Variants in EPHA6 observed in about 807,000 individuals in gnomAD.
EPHA6 encodes the protein EPH receptor A6.
A neutral mutation model predicts 112.0 loss-of-function variants in EPHA6; 50 were observed. That is an observed-to-expected ratio of 0.45 (90% confidence interval 0.36 to 0.56). The LOEUF (loss-of-function observed/expected upper bound fraction) is 0.56, where lower values mean the gene tolerates loss of function less well. Among genes scored for constraint, EPHA6 ranks in the 20% least tolerant of loss-of-function variants. The pLI is 0.00. For synonymous variants in EPHA6, 529 were observed against 490.7 expected, an observed-to-expected ratio of 1.08 and a Z score of -1.03; for missense variants, 1,280 against 1,417.4, an observed-to-expected ratio of 0.90 and a Z score of 1.56.
chr3:96,863,528 A>G (rs1237696262), intron 1 of EPHA6, among the ~76,000 whole-genome samples: 1 of 152,010 alleles, frequency 6.6e-6, no homozygotes, highest in Admixed American at 6.6e-5. Context: ...AAGAATTTTT[A>G]AGAGGTATCA....
At chr3:97,027,491 A>G (rs1420276320) in intron 3 of EPHA6, among the ~76,000 whole-genome samples, 3 of 152,180 alleles carry the variant, frequency 2.0e-5, no homozygotes, top group African/African-American at 4.8e-5. Flanking sequence ...AAGGAAAAAA[A>G]CACCTCCAAG....
At chr3:96,832,584 G>T (rs1196607761) in intron 1 of EPHA6, among the ~76,000 whole-genome samples, 1 of 151,942 alleles carries the variant, frequency 6.6e-6, no homozygotes, top group African/African-American at 2.4e-5. Context: ...TAATATTTTG[G>T]TTATTGCCAT....
chr3:97,757,406 C>G lies in EPHA6; in HGVS notation c.*8705C>G, dbSNP rs1231322105. Among the ~76,000 whole-genome samples, 1 of 151,650 alleles carries G rather than the reference C, an allele frequency of 6.6e-6. No individual in the cohort carries two copies. Among genetic ancestry groups the G allele is most frequent in the Admixed American group, 6.6e-5 (1 of 15,244 alleles). On this transcript the variant is annotated 3_prime_UTR_variant, in exon 18 of 18. Coordinates refer to ENST00000389672, the MANE Select transcript of EPHA6 (RefSeq NM_001080448.3). The stretch of plus-strand genomic sequence containing the variant: ...ATTTTAAAAATGTTTTGTAATGGAA[C>G]AAGTCATCAAAATTCTTAACATTTC...
intron 12 of EPHA6, among the ~76,000 whole-genome samples, chr3:97,604,828 G>T (rs1157563070): frequency 6.6e-6 from 1 of 151,530 alleles, no homozygotes; most frequent in African/African-American, 2.4e-5. Flanking sequence ...TTATTGATTT[G>T]CCATTCTGTT....
chr3:97,090,433 G>C (rs949765657), intron 3 of EPHA6, among the ~76,000 whole-genome samples: 7 of 151,934 alleles, frequency 4.6e-5, no homozygotes, highest in African/African-American at 1.7e-4. Context: ...ATAAAAGGGT[G>C]GTTAGACATT....
At chr3:97,119,630 G>A (rs887149951) in intron 3 of EPHA6, among the ~76,000 whole-genome samples, 1 of 151,952 alleles carries the variant, frequency 6.6e-6, no homozygotes, top group African/African-American at 2.4e-5. Flanking sequence ...AAAGCAGGAG[G>A]ATTCTGAGTG....
At chr3:97,148,695 C>T (rs2076099305) in intron 3 of EPHA6, among the ~76,000 whole-genome samples, 1 of 151,938 alleles carries the variant, frequency 6.6e-6, no homozygotes, top group Non-Finnish European at 1.5e-5. Context: ...AGAACTCTGA[C>T]CTTGAAATCA....
chr3:97,445,587 A>G (rs754710529), intron 6 of EPHA6, among the ~76,000 whole-genome samples: 6 of 152,120 alleles, frequency 3.9e-5, no homozygotes, highest in African/African-American at 9.7e-5. Context: ...ATTTGAAAGA[A>G]TGTGCTGATA....
chr3:97,221,792 G>A (rs2078209394), intron 3 of EPHA6, among the ~76,000 whole-genome samples: 1 of 152,108 alleles, frequency 6.6e-6, no homozygotes, highest in Non-Finnish European at 1.5e-5. Context: ...AGCACTTTGG[G>A]AGGCCGACGC....
intron 6 of EPHA6, among the ~76,000 whole-genome samples, chr3:97,438,144 C>A (rs2089953581): frequency 6.6e-6 from 1 of 152,108 alleles, no homozygotes; most frequent in Non-Finnish European, 1.5e-5. Context: ...AGTTGAACAT[C>A]ATTGTAAATA....
rs374924707 is a variant in EPHA6, at chr3:97,162,728, A to C, written c.1115-63536A>C. Among the ~76,000 whole-genome samples the C allele has an allele frequency of 8.7e-4, 132 of 152,216 alleles. 1 individual carries two copies. Among genetic ancestry groups the C allele is most frequent in the African/African-American group, 2.9e-3 (121 of 41,552 alleles). ...AAGGGTACCCAGCCTCCCCTCATTT[A>C]AGGTGTTCTGGGTCTATTTACTGGC... On this transcript the variant is annotated intron_variant, in intron 3 of 17. Coordinates refer to ENST00000389672, the MANE Select transcript of EPHA6 (RefSeq NM_001080448.3).
In EPHA6 at chr3:96,932,492, A is replaced by G. The variant is rs1445246138; in HGVS notation, c.451-54838A>G. ...GTTTTCTATTATTTAACATATATTCACATTACTTAAACCATACAAATTAGA... is the reference window on the plus strand; with the variant it reads ...GTTTTCTATTATTTAACATATATTCGCATTACTTAAACCATACAAATTAGA... On this transcript the variant is annotated intron_variant, in intron 2 of 17. Transcript: ENST00000389672. Among the ~76,000 whole-genome samples, 5 of 152,346 alleles carry G rather than the reference A, an allele frequency of 3.3e-5. No homozygotes were observed. In the South Asian group the frequency reaches 8.3e-4, roughly 25 times the overall value.
At chr3:96,851,797 C>T (rs139223692) in intron 1 of EPHA6, among the ~76,000 whole-genome samples, 50 of 151,948 alleles carry the variant, frequency 3.3e-4, no homozygotes, top group African/African-American at 8.4e-4. Flanking sequence ...AAATTTAGTA[C>T]GGCCTGGAGT....
Position 97,063,800 on chromosome 3 carries a change from C to T in EPHA6, c.1114+75807C>T, listed in dbSNP as rs77032237. On this transcript the variant is annotated intron_variant, in intron 3 of 17. Coordinates refer to ENST00000389672, the MANE Select transcript of EPHA6 (RefSeq NM_001080448.3). ...CCTTCATCTTCTAGTGTCTCTCCAG[C>T]GTACACTTCTGACAGAGCTTAAAAT... 4.2e-3 allele frequency among the ~76,000 whole-genome samples: 643 copies of T among 152,220 alleles called. 2 individuals are homozygous for T. Among genetic ancestry groups the T allele is most frequent in the Middle Eastern group, 0.017 (5 of 294 alleles).
intron 3 of EPHA6, among the ~76,000 whole-genome samples, chr3:97,211,715 T>C (rs539277007): frequency 6.6e-6 from 1 of 152,058 alleles, no homozygotes; most frequent in Non-Finnish European, 1.5e-5. Context: ...ACATCAAAAT[T>C]TGGGGGGCAT....
chr3:97,750,812 T>G lies in EPHA6; in HGVS notation c.*2111T>G, dbSNP rs2035882825. Among the ~76,000 whole-genome samples the G allele has an allele frequency of 6.6e-6, 1 of 152,130 alleles. No homozygotes were observed. The highest frequency in any genetic ancestry group is 6.6e-5 in the Admixed American group (1 of 15,266). ...AAAGCAAAGCTAGAAGGAAGAGTCT[T>G]TAGATGTTTCTTAAAATATACAAAA... On this transcript the variant is annotated 3_prime_UTR_variant, in exon 18 of 18. Transcript: ENST00000389672.
intron 1 of EPHA6, among the ~76,000 whole-genome samples, chr3:96,826,819 T>C (rs2033691645): frequency 6.6e-6 from 1 of 152,136 alleles, no homozygotes; most frequent in Non-Finnish European, 1.5e-5. Flanking sequence ...TGAGATTTGC[T>C]TCTGAAGACT....
intron 5 of EPHA6, among the ~76,000 whole-genome samples, chr3:97,301,685 C>T (rs1576886502): frequency 6.6e-6 from 1 of 152,056 alleles, no homozygotes; most frequent in African/African-American, 2.4e-5. Context: ...ACATATTTCT[C>T]CTTGCTACTC....
intron 3 of EPHA6, among the ~76,000 whole-genome samples, chr3:97,168,607 CTG>C (rs1175089459): frequency 2.4e-5 from 3 of 125,454 alleles, no homozygotes; most frequent in African/African-American, 4.5e-5. Context: ...GTGTCTCTCT[CTG>C]TCTCTGTCTC....
Sources: allele counts gnomAD v4.1 joint callset (sites outside exome capture counted in the v4.1 genomes callset), GRCh38; gene constraint gnomAD v4.1.1; transcripts MANE v1.5; gene names NCBI Gene and HGNC (gene_info 2026-07-23, HGNC 2026-07-21).